The following TSHZ3 variants were observed in gnomAD, a reference collection of about 807,000 sequenced individuals.
TSHZ3 encodes teashirt zinc finger homeobox 3.
In TSHZ3, 10 loss-of-function variants were observed where a neutral mutation model predicts 64.5. That is an observed-to-expected ratio of 0.16 (90% confidence interval 0.10 to 0.26). TSHZ3 has a LOEUF of 0.26. Ranked by LOEUF, TSHZ3 falls within the 10% of genes least tolerant of loss-of-function variation. TSHZ3 has a pLI of 1.00. For synonymous variants in TSHZ3, 608 were observed against 593.1 expected (o/e 1.03, Z -0.36); for missense variants, 1,242 against 1,421.7 (o/e 0.87, Z 2.03).
Position 31,205,233 on chromosome 19 carries a change from T to C in TSHZ3, n.687-155A>G, listed in dbSNP as rs140146843. Among the ~76,000 whole-genome samples, 243 of 152,300 alleles carry C rather than the reference T, an allele frequency of 1.6e-3. 1 individual carries two copies. The highest frequency in any genetic ancestry group is 5.6e-3 in the African/African-American group (234 of 41,568). On this transcript the variant is annotated intron_variant and non_coding_transcript_variant, in intron 4 of 6. Coordinates refer to the TSHZ3 transcript ENST00000651361. ...CAAGTGCCTTACACTTGTTACCTTA[T>C]GCAATTCTCACCCTAAGCCTGCGAT...
intron 1 of TSHZ3, among the ~76,000 whole-genome samples, chr19:31,267,604 C>T (rs1976071440): frequency 6.6e-6 from 1 of 152,080 alleles, no homozygotes. Flanking sequence ...CTGGTGGGTG[C>T]CTCATGTCTC....
At chr19:31,185,856 G>T (rs1378268234) in intron 5 of TSHZ3, among the ~76,000 whole-genome samples, 1 of 152,112 alleles carries the variant, frequency 6.6e-6, no homozygotes, top group African/African-American at 2.4e-5. Context: ...AGCAATCACT[G>T]TTCTGGTTTC....
intron 4 of TSHZ3, among the ~76,000 whole-genome samples, chr19:31,209,691 TG>T (rs1247302048): frequency 6.6e-6 from 1 of 152,174 alleles, no homozygotes; most frequent in Non-Finnish European, 1.5e-5. Flanking sequence ...GAAAGCATCA[TG>T]GGAGACAGGC....
chr19:31,227,519 G>A (rs932621999), intron 4 of TSHZ3, among the ~76,000 whole-genome samples: 41 of 152,274 alleles, frequency 2.7e-4, no homozygotes, highest in Middle Eastern at 3.4e-3. Context: ...GAGCCTGCTA[G>A]AAGAGAAAGG....
At chr19:31,214,516 G>C (rs1198185485) in intron 4 of TSHZ3, among the ~76,000 whole-genome samples, 1 of 152,206 alleles carries the variant, frequency 6.6e-6, no homozygotes, top group Non-Finnish European at 1.5e-5. Flanking sequence ...GGGAAAGACT[G>C]CATTCATACC....
intron 5 of TSHZ3, among the ~76,000 whole-genome samples, chr19:31,166,379 A>T (rs1026889587): frequency 6.6e-6 from 1 of 152,228 alleles, no homozygotes; most frequent in East Asian, 1.9e-4. Context: ...GTGACAGGGC[A>T]GGGAGCCTGG....
At chr19:31,184,252 G>C (rs1390756) in intron 5 of TSHZ3, among the ~76,000 whole-genome samples, 112,663 of 152,110 alleles carry the variant, frequency 0.74, 42,755 homozygotes, top group African/African-American at 0.92. Context: ...TTCTTGTCTT[G>C]TATAGTTTTT....
intron 5 of TSHZ3, among the ~76,000 whole-genome samples, chr19:31,163,184 A>G (rs956782364): frequency 2.0e-5 from 3 of 152,150 alleles, no homozygotes; most frequent in Non-Finnish European, 4.4e-5. Context: ...GGCCTATTTC[A>G]TCAGTCTGAA....
At chr19:31,235,629 TTCCTC>T (rs1355252260) in intron 3 of TSHZ3, among the ~76,000 whole-genome samples, 2 of 133,120 alleles carry the variant, frequency 1.5e-5, no homozygotes, top group African/African-American at 6.5e-5. Flanking sequence ...CTTTCTTTCT[TTCCTC>T]TTTCTTTCTT....
intron 1 of TSHZ3, among the ~76,000 whole-genome samples, chr19:31,268,170 A>G (rs962171728): frequency 1.3e-5 from 2 of 152,084 alleles, no homozygotes; most frequent in Non-Finnish European, 2.9e-5. Flanking sequence ...CTCTTTCTTC[A>G]TCTTCCTCAA....
At chr19:31,245,643 G>C (rs1258235113) in intron 1 of TSHZ3, among the ~76,000 whole-genome samples, 1 of 135,004 alleles carries the variant, frequency 7.4e-6, no homozygotes, top group Non-Finnish European at 1.5e-5. Flanking sequence ...CTCCTGTACT[G>C]TAAGACCTGA....
chr19:31,331,207 A>C (rs370055866), intron 1 of TSHZ3, among the ~76,000 whole-genome samples: 1 of 152,190 alleles, frequency 6.6e-6, no homozygotes, highest in Non-Finnish European at 1.5e-5. Context: ...ACAGAGCGAC[A>C]CCAGGCCTTC....
chr19:31,193,585 G>A (rs989616035), intron 5 of TSHZ3, among the ~76,000 whole-genome samples: 2 of 152,200 alleles, frequency 1.3e-5, no homozygotes, highest in Admixed American at 6.5e-5. Context: ...GTGTGAGCCT[G>A]AGCAAGCTGC....
At chr19:31,183,056 A>G (rs902381157) in intron 5 of TSHZ3, among the ~76,000 whole-genome samples, 4 of 152,170 alleles carry the variant, frequency 2.6e-5, no homozygotes, top group African/African-American at 9.7e-5. Context: ...GAATTCTGCT[A>G]GTAGATTGCC....
At chr19:31,232,191 C>T (rs1315338930) in intron 3 of TSHZ3, among the ~76,000 whole-genome samples, 1 of 152,064 alleles carries the variant, frequency 6.6e-6, no homozygotes, top group African/African-American at 2.4e-5. Context: ...TCTCTCCATC[C>T]CTGCTGCTCA....
At chr19:31,231,400 C>A (rs542074420) in intron 3 of TSHZ3, among the ~76,000 whole-genome samples, 1 of 152,138 alleles carries the variant, frequency 6.6e-6, no homozygotes, top group Non-Finnish European at 1.5e-5. Flanking sequence ...AACCCACATG[C>A]CCCGATCCCG....
At chr19:31,217,088 C>T (rs577290629) in intron 4 of TSHZ3, among the ~76,000 whole-genome samples, 10 of 152,262 alleles carry the variant, frequency 6.6e-5, no homozygotes, top group South Asian at 4.1e-4. Flanking sequence ...CATTAACCAC[C>T]GCACCCCGCC....
intron 4 of TSHZ3, among the ~76,000 whole-genome samples, chr19:31,222,578 C>G (rs776543462): frequency 6.6e-6 from 1 of 152,194 alleles, no homozygotes; most frequent in Non-Finnish European, 1.5e-5. Flanking sequence ...CTGCCATGCT[C>G]TCAGGAATAT....
chr19:31,154,728 T>A (rs970430426), intron 6 of TSHZ3, among the ~76,000 whole-genome samples: 1 of 152,186 alleles, frequency 6.6e-6, no homozygotes, highest in African/African-American at 2.4e-5. Context: ...TTCCATCCCA[T>A]CCTCCCAGTG....
Sources: allele counts gnomAD v4.1 joint callset (sites outside exome capture counted in the v4.1 genomes callset), GRCh38; gene constraint gnomAD v4.1.1; transcripts MANE v1.5; gene names NCBI Gene and HGNC (gene_info 2026-07-23, HGNC 2026-07-21).